PDSS2: variants seen among roughly 807,000 people sequenced by gnomAD.
PDSS2 encodes the protein all trans-polyprenyl-diphosphate synthase PDSS2.
A neutral mutation model predicts 44.5 loss-of-function variants in PDSS2; 31 were observed. The ratio of observed to expected loss-of-function variants is 0.70; its 90% CI spans 0.52 to 0.94. PDSS2 has a LOEUF of 0.94. Ranked by LOEUF, PDSS2 falls within the 40% of genes least tolerant of loss-of-function variation. The pLI is 0.00. For missense variants in PDSS2, 452 were observed against 482.2 expected, an observed-to-expected ratio of 0.94 and a Z score of 0.59; for synonymous variants, 157 against 180.3, an observed-to-expected ratio of 0.87 and a Z score of 1.03.
At chr6:107,366,990 A>G (rs1009317914) in intron 1 of PDSS2, among the ~76,000 whole-genome samples, 1 of 152,148 alleles carries the variant, frequency 6.6e-6, no homozygotes, top group Non-Finnish European at 1.5e-5. Flanking sequence ...TGAGGTCAGT[A>G]CTTACCCTAA....
chr6:107,435,281 A>AACACACAC (rs57353175), intron 1 of PDSS2, among the ~76,000 whole-genome samples: 3 of 133,794 alleles, frequency 2.2e-5, no homozygotes, highest in African/African-American at 2.8e-5. Flanking sequence ...ACTGCCTCAA[A>AACACACAC]ACACACACAC....
chr6:107,316,137 T>A (rs1283743381), intron 2 of PDSS2, among the ~76,000 whole-genome samples: 2 of 152,234 alleles, frequency 1.3e-5, no homozygotes, highest in African/African-American at 4.8e-5. Context: ...CCATTTAATG[T>A]TAACTGTAAG....
intron 7 of PDSS2, among the ~76,000 whole-genome samples, chr6:107,173,195 A>G (rs9398119): frequency 0.69 from 104,740 of 151,050 alleles, 36,725 homozygotes; most frequent in African/African-American, 0.74. Context: ...GCAGAGAAAC[A>G]GGGTACAGGT....
Position 107,154,128 on chromosome 6 carries a change from A to G in PDSS2, c.*491T>C, listed in dbSNP as rs1316761026. ...ATAATTACAAGCCAACAAATAAAAC[A>G]TATTTTTCTCAATCCATTGAACTAC... On this transcript the variant is annotated 3_prime_UTR_variant, in exon 8 of 8. Transcript: ENST00000369037. 3 of 161,934 alleles carry G rather than the reference A, an allele frequency of 1.9e-5. No individual in the cohort carries two copies. The highest frequency in any genetic ancestry group is 7.2e-5 in the African/African-American group (3 of 41,486). The allele number at this position is 161,934 out of a possible 1,614,324, so 10.0% of individuals were successfully genotyped here.
At chr6:107,266,293 A>T (rs886693610) in intron 3 of PDSS2, among the ~76,000 whole-genome samples, 1 of 152,196 alleles carries the variant, frequency 6.6e-6, no homozygotes, top group Admixed American at 6.5e-5. Flanking sequence ...TACGATTAAA[A>T]GAGAGCTACT....
chr6:107,236,061 A>C (rs1378267526), intron 4 of PDSS2, among the ~76,000 whole-genome samples: 1 of 152,188 alleles, frequency 6.6e-6, no homozygotes, highest in African/African-American at 2.4e-5. Context: ...ATGAAAACCA[A>C]CTCACAGAAC....
chr6:107,162,536 T>A (rs530454680), intron 7 of PDSS2, among the ~76,000 whole-genome samples: 206 of 148,800 alleles, frequency 1.4e-3, no homozygotes, highest in African/African-American at 5.2e-3. Context: ...ATTCCCTATT[T>A]ATTTTTTGTT....
chr6:107,207,894 G>A (rs1773041167), intron 6 of PDSS2, among the ~76,000 whole-genome samples: 1 of 150,898 alleles, frequency 6.6e-6, no homozygotes, highest in South Asian at 2.1e-4. Flanking sequence ...ACAGGCATGA[G>A]CCACCATGTC....
At chr6:107,429,612 C>G (rs73762218) in intron 1 of PDSS2, among the ~76,000 whole-genome samples, 12 of 151,892 alleles carry the variant, frequency 7.9e-5, no homozygotes, top group African/African-American at 2.9e-4. Flanking sequence ...AGGGTGGGCG[C>G]GGTGGCTCAC....
intron 1 of PDSS2, among the ~76,000 whole-genome samples, chr6:107,457,889 G>A (rs1782096374): frequency 1.3e-5 from 2 of 152,260 alleles, no homozygotes; most frequent in South Asian, 2.1e-4. Context: ...TTACGTAGGA[G>A]ATTACTGCTA....
chr6:107,237,897 GAA>G (rs71551306), intron 4 of PDSS2, among the ~76,000 whole-genome samples: 9 of 80,636 alleles, frequency 1.1e-4, no homozygotes, highest in Non-Finnish European at 1.3e-4. Flanking sequence ...CTCCGTCTCT[GAA>G]AAAAAAAAAA....
chr6:107,445,528 T>A (rs1781642532), intron 1 of PDSS2, among the ~76,000 whole-genome samples: 1 of 152,182 alleles, frequency 6.6e-6, no homozygotes. Flanking sequence ...GCATAAATAT[T>A]CATATTAAAT....
intron 1 of PDSS2, among the ~76,000 whole-genome samples, chr6:107,347,250 T>C (rs1213131273): frequency 6.8e-6 from 1 of 146,384 alleles, no homozygotes; most frequent in Non-Finnish European, 1.5e-5. Flanking sequence ...CCTAAAATTA[T>C]ATCTTCTTTT....
At chr6:107,423,600 T>C (rs936910699) in intron 1 of PDSS2, among the ~76,000 whole-genome samples, 10 of 152,194 alleles carry the variant, frequency 6.6e-5, no homozygotes, top group Non-Finnish European at 1.2e-4. Context: ...GTTGCTTTCA[T>C]AGTGAATTTC....
chr6:107,411,173 A>C (rs1583051245), intron 1 of PDSS2, among the ~76,000 whole-genome samples: 1 of 152,344 alleles, frequency 6.6e-6, no homozygotes, highest in African/African-American at 2.4e-5. Context: ...GGCGTGAGCC[A>C]CTGCACCCGG....
intron 1 of PDSS2, among the ~76,000 whole-genome samples, chr6:107,335,369 T>C (rs762640580): frequency 6.6e-6 from 1 of 152,176 alleles, no homozygotes; most frequent in Non-Finnish European, 1.5e-5. Context: ...GATGAAGTGA[T>C]ACTATTTGGT....
At chr6:107,339,557 T>C (rs1044249043) in intron 1 of PDSS2, among the ~76,000 whole-genome samples, 14 of 152,130 alleles carry the variant, frequency 9.2e-5, no homozygotes, top group South Asian at 2.1e-4. Flanking sequence ...AAACGAATCA[T>C]GAGGACGTGT....
chr6:107,185,049 G>A (rs1430235709), intron 7 of PDSS2, among the ~76,000 whole-genome samples: 1 of 150,276 alleles, frequency 6.7e-6, no homozygotes, highest in Non-Finnish European at 1.5e-5. Context: ...GAGATGGGAG[G>A]ATCTCTTGAG....
At chr6:107,432,064 G>A (rs994967373) in intron 1 of PDSS2, among the ~76,000 whole-genome samples, 1 of 152,194 alleles carries the variant, frequency 6.6e-6, no homozygotes, top group Admixed American at 6.5e-5. Context: ...ACTAAAATTA[G>A]TTAGAATTGT....
Sources: allele counts gnomAD v4.1 joint callset (sites outside exome capture counted in the v4.1 genomes callset), GRCh38; gene constraint gnomAD v4.1.1; transcripts MANE v1.5; gene names NCBI Gene and HGNC (gene_info 2026-07-23, HGNC 2026-07-21).